PAM: variants seen among roughly 807,000 people sequenced by gnomAD.
PAM encodes the protein peptidyl-glycine alpha-amidating monooxygenase.
In PAM, 72 loss-of-function variants were observed where a neutral mutation model predicts 122.1. The ratio of observed to expected loss-of-function variants is 0.59; its 90% CI spans 0.49 to 0.72. The LOEUF (loss-of-function observed/expected upper bound fraction) is 0.72. PAM is among the 30% of genes least tolerant of loss of function. The probability of loss-of-function intolerance (pLI) is 0.00; values close to 1 mark genes in which losing one functional copy is unlikely to be tolerated. For missense variants in PAM, 1,106 were observed against 1,183.7 expected (o/e 0.93, Z 0.96); for synonymous variants, 389 against 404.4 (o/e 0.96, Z 0.46).
chr5:102,940,728 C>T (rs1466269359), intron 7 of PAM, among the ~76,000 whole-genome samples: 1 of 151,924 alleles, frequency 6.6e-6, no homozygotes, highest in Non-Finnish European at 1.5e-5. Context: ...AAAGACAACT[C>T]TTTCAGAAGA....
At chr5:102,764,013 C>T (rs1753157188) in intron 1 of PAM, among the ~76,000 whole-genome samples, 1 of 152,064 alleles carries the variant, frequency 6.6e-6, no homozygotes, top group Non-Finnish European at 1.5e-5. Flanking sequence ...CAGTGTGTAC[C>T]AGTCTGGTGG....
At chr5:102,777,513 A>C (rs1373364858) in intron 1 of PAM, among the ~76,000 whole-genome samples, 1 of 152,128 alleles carries the variant, frequency 6.6e-6, no homozygotes. Flanking sequence ...AGTAAAATCA[A>C]GTATTTAAGT....
chr5:102,758,092 T>C (rs1450750771), intron 1 of PAM, among the ~76,000 whole-genome samples: 3,188 of 126,698 alleles, frequency 0.025, 112 homozygotes, highest in East Asian at 0.12. Context: ...TTTTTTTTTT[T>C]TTTTTTTTTT....
chr5:102,832,924 A>G (rs1044943672), intron 1 of PAM, among the ~76,000 whole-genome samples: 48 of 152,208 alleles, frequency 3.2e-4, no homozygotes, highest in African/African-American at 1.0e-3. Flanking sequence ...TGAAACAATT[A>G]AAATCAAGAC....
rs1478092225 is a variant in PAM at position 102,949,978 on chromosome 5, G to A, written c.801G>A (p.Gln267=). Residue 267 remains glutamine (Q), a splice_region_variant and synonymous_variant, in exon 11 of 26, where the codon CAG becomes CAA. Transcript: ENST00000438793. Reference sequence around the variant, plus strand: ...GACGGCAGAGCCCTCAGCTGCCACAGGTGGGTAAAATCTAGTTTAATTTTG... The same window carrying A: ...GACGGCAGAGCCCTCAGCTGCCACAAGTGGGTAAAATCTAGTTTAATTTTG... ...LIGRQSPQLP[Q]AFYPVGHPVD... The A allele has an allele frequency of 1.3e-6, 2 of 1,527,252 alleles. No individual in the cohort carries two copies. The highest frequency in any genetic ancestry group is 1.8e-6 in the Non-Finnish European group (2 of 1,102,132). The allele number at this position is 1,527,252 out of a possible 1,614,324, so 94.6% of individuals were successfully genotyped here.
chr5:102,989,274 C>T, intron 15 of PAM, among the ~76,000 whole-genome samples: 1 of 152,110 alleles, frequency 6.6e-6, no homozygotes, highest in Non-Finnish European at 1.5e-5. Flanking sequence ...GAGGCTGAGG[C>T]AGGAGGATCA....
chr5:102,757,602 A>G (rs537263685), intron 1 of PAM, among the ~76,000 whole-genome samples: 5 of 152,356 alleles, frequency 3.3e-5, no homozygotes, highest in African/African-American at 9.6e-5. Context: ...GTTCCCACAT[A>G]CAGTTTTTTT....
At chr5:102,936,108 A>G (rs1038452919) in intron 7 of PAM, among the ~76,000 whole-genome samples, 2 of 152,130 alleles carry the variant, frequency 1.3e-5, no homozygotes, top group African/African-American at 4.8e-5. Flanking sequence ...GGGTATTTGC[A>G]TCTGTTGTAT....
chr5:102,972,781 T>C (rs772405704), intron 14 of PAM, among the ~76,000 whole-genome samples: 7 of 152,244 alleles, frequency 4.6e-5, no homozygotes, highest in Non-Finnish European at 7.3e-5. Context: ...GGTTGACTTA[T>C]AATTTGCTTT....
intron 21 of PAM, among the ~76,000 whole-genome samples, chr5:103,011,369 AACACACACTCACACAC>A (rs1780563323): frequency 7.1e-6 from 1 of 140,744 alleles, no homozygotes; most frequent in South Asian, 2.2e-4. Flanking sequence ...CACACACACA[AACACACACTCACACAC>A]ACACACACAC....
chr5:102,798,504 G>A (rs1159343751), intron 1 of PAM, among the ~76,000 whole-genome samples: 3 of 152,112 alleles, frequency 2.0e-5, no homozygotes, highest in African/African-American at 2.4e-5. Flanking sequence ...TTAAATTTAG[G>A]CACTAAAAAT....
intron 1 of PAM, among the ~76,000 whole-genome samples, chr5:102,842,248 A>G (rs2150585161): frequency 6.6e-6 from 1 of 151,862 alleles, no homozygotes; most frequent in South Asian, 2.1e-4. Context: ...GTGTAAATGC[A>G]TAGAAAAGAG....
At chr5:102,792,696 A>G (rs1337809331) in intron 1 of PAM, among the ~76,000 whole-genome samples, 1 of 152,190 alleles carries the variant, frequency 6.6e-6, no homozygotes, top group Non-Finnish European at 1.5e-5. Flanking sequence ...ATTTAAAGGA[A>G]CCCTGAAACC....
At chr5:102,950,859 T>C (rs375369557) in intron 12 of PAM, 39 bp downstream of exon 12, 3 of 1,222,028 alleles carry the variant, frequency 2.5e-6, no homozygotes, top group African/African-American at 1.5e-5. Flanking sequence ...AGATATTTTA[T>C]TGGGATAAGG....
chr5:102,940,502 C>CTA (rs201777482), intron 7 of PAM, among the ~76,000 whole-genome samples: 39,682 of 141,634 alleles, frequency 0.28, 5,788 homozygotes, highest in East Asian at 0.5. Flanking sequence ...TATATATCAG[C>CTA]TATATATATA....
chr5:102,757,604 A>G (rs1561360450), intron 1 of PAM, among the ~76,000 whole-genome samples: 1 of 152,250 alleles, frequency 6.6e-6, no homozygotes, highest in Non-Finnish European at 1.5e-5. Context: ...TCCCACATAC[A>G]GTTTTTTTCT....
chr5:102,767,904 G>T (rs258139), intron 1 of PAM, among the ~76,000 whole-genome samples: 71,549 of 151,886 alleles, frequency 0.47, 17,030 homozygotes, highest in African/African-American at 0.52. Context: ...TAAAGTAGTT[G>T]GCCCAAGGTC....
At chr5:102,813,415 G>A (rs1768573026) in intron 1 of PAM, among the ~76,000 whole-genome samples, 1 of 152,182 alleles carries the variant, frequency 6.6e-6, no homozygotes, top group Non-Finnish European at 1.5e-5. Context: ...GTAAAGTCAT[G>A]CAGCAAGTGA....
At chr5:102,813,522 T>G (rs1482453403) in intron 1 of PAM, among the ~76,000 whole-genome samples, 1 of 152,230 alleles carries the variant, frequency 6.6e-6, no homozygotes, top group East Asian at 1.9e-4. Flanking sequence ...CTCACTGATC[T>G]TTCTCACTTA....
Sources: gnomAD v4.1 joint callset for allele counts (sites outside exome capture counted in the v4.1 genomes callset) on GRCh38, gnomAD v4.1.1 for gene constraint, MANE v1.5 for transcripts, NCBI Gene and HGNC (gene_info 2026-07-23, HGNC 2026-07-21) for gene names.